RGL1: variants seen among roughly 807,000 people sequenced by gnomAD.
RGL1 encodes the protein ral guanine nucleotide dissociation stimulator like 1.
RGL1 carries 24 observed loss-of-function variants against 95.2 expected under a neutral mutation model. The ratio of observed to expected loss-of-function variants is 0.25; its 90% CI spans 0.18 to 0.35. RGL1 has a LOEUF of 0.35. Among genes scored for constraint, RGL1 ranks in the 10% least tolerant of loss-of-function variants. RGL1 has a pLI of 1.00. For missense variants in RGL1, 715 were observed against 936.3 expected (o/e 0.76, Z 3.08); for synonymous variants, 329 against 344.9 (o/e 0.95, Z 0.51).
At chr1:183,648,238 G>T in intron 1 of RGL1, 1 of 1,614,194 alleles carries the variant, frequency 6.2e-7, no homozygotes, top group Non-Finnish European at 8.5e-7. Flanking sequence ...ACAACCCGCG[G>T]CCATAAGCTG....
intron 4 of RGL1, among the ~76,000 whole-genome samples, chr1:183,878,178 A>G (rs772450429): frequency 6.6e-6 from 1 of 151,698 alleles, no homozygotes; most frequent in Non-Finnish European, 1.5e-5. Context: ...CTATCTATCT[A>G]TCTATCTATC....
chr1:183,904,949 C>G lies in RGL1; in HGVS notation c.1450C>G (p.Gln484Glu). ...QKFIQWFQRQ[Q>E]LLTEEESYAL... ...GTTCATCCAGTGGTTCCAGAGGCAG[C>G]AGCTCCTGACAGAGGAGGAGAGGTG... The change falls in exon 13 of 18, where the codon CAG (glutamine) becomes GAG (glutamate). Residue 484 changes from glutamine to glutamate, a missense_variant. Physicochemically the swap from Gln to Glu is conservative, Grantham distance 29. Coordinates refer to ENST00000360851, the MANE Select transcript of RGL1 (RefSeq NM_001297671.3). 14 of 1,613,462 alleles carry G rather than the reference C, an allele frequency of 8.7e-6. No individual in the cohort carries two copies. Among genetic ancestry groups the G allele is most frequent in the Non-Finnish European group, 1.2e-5 (14 of 1,179,734 alleles).
intron 3 of RGL1, among the ~76,000 whole-genome samples, chr1:183,849,576 C>T (rs933227696): frequency 7.4e-5 from 11 of 148,972 alleles, no homozygotes; most frequent in South Asian, 4.3e-4. Context: ...CTGCAACCTC[C>T]GCCTCTTGGG....
At chr1:183,865,579 C>A (rs530811334) in intron 3 of RGL1, among the ~76,000 whole-genome samples, 1 of 152,296 alleles carries the variant, frequency 6.6e-6, no homozygotes, top group East Asian at 1.9e-4. Flanking sequence ...AGTGTGGATG[C>A]TGTGCCTGCA....
rs182915878 is a variant in RGL1, at chr1:183,812,166, A to G, written c.138+5681A>G. Among the ~76,000 whole-genome samples the G allele has an allele frequency of 3.7e-4, 56 of 152,332 alleles. 1 individual carries two copies. Among genetic ancestry groups the G allele is most frequent in the Admixed American group, 2.9e-3 (45 of 15,308 alleles). ...ATGCACTACATAGTAAAACATTCTA[A>G]TTTGTACCATCATATTCTTTTTACA... is the stretch of plus-strand genomic sequence containing the variant. On this transcript the variant is annotated intron_variant, in intron 2 of 17. Coordinates refer to ENST00000360851, the MANE Select transcript of RGL1 (RefSeq NM_001297671.3).
intron 2 of RGL1, among the ~76,000 whole-genome samples, chr1:183,819,100 GT>G (rs917457380): frequency 1.3e-5 from 2 of 152,184 alleles, no homozygotes; most frequent in African/African-American, 4.8e-5. Context: ...GAATTCTGAA[GT>G]TATTCTACTT....
chr1:183,750,777 T>C (rs1219609898), intron 2 of RGL1, among the ~76,000 whole-genome samples: 2 of 152,250 alleles, frequency 1.3e-5, no homozygotes, highest in Non-Finnish European at 1.5e-5. Flanking sequence ...GTTGATGTTA[T>C]TTCTTTCTCT....
At chr1:183,867,174 A>G (rs906756994) in intron 4 of RGL1, among the ~76,000 whole-genome samples, 4 of 152,194 alleles carry the variant, frequency 2.6e-5, no homozygotes, top group African/African-American at 9.7e-5. Context: ...TCTTTAGTTT[A>G]TACATGGTAT....
intron 2 of RGL1, among the ~76,000 whole-genome samples, chr1:183,797,343 G>A (rs1660751558): frequency 1.3e-5 from 2 of 151,996 alleles, no homozygotes; most frequent in South Asian, 4.2e-4. Flanking sequence ...AAAAATTATT[G>A]CCAACAATTG....
intron 4 of RGL1, among the ~76,000 whole-genome samples, chr1:183,867,397 A>G (rs943173965): frequency 2.0e-5 from 3 of 152,146 alleles, no homozygotes; most frequent in African/African-American, 7.2e-5. Flanking sequence ...AAAGGATTTC[A>G]GGGAGGGAGT....
chr1:183,790,393 A>T (rs532702659), intron 2 of RGL1, among the ~76,000 whole-genome samples: 1 of 152,294 alleles, frequency 6.6e-6, no homozygotes, highest in East Asian at 1.9e-4. Flanking sequence ...TGATTTGAGG[A>T]CCTTCTGGAC....
intron 1 of RGL1, chr1:183,710,032 G>C (rs1478099767): frequency 6.3e-6 from 1 of 157,826 alleles, no homozygotes; most frequent in South Asian, 1.8e-4. Flanking sequence ...CAACTTCCTG[G>C]CATTCCTGGT....
rs1332167967 is a variant in RGL1 at position 183,643,278 on chromosome 1, A to G, written c.-33+6777A>G. ...GTCCTGTTTTTTTATTTATTTATTT[A>G]TTTATTTATTTATTTATTTATTTAT... On this transcript the variant is annotated intron_variant, in intron 1 of 18. Transcript: ENST00000304685. 1.4e-3 allele frequency among the ~76,000 whole-genome samples: 176 copies of G among 129,516 alleles called. 1 individual carries two copies. Among genetic ancestry groups the G allele is most frequent in the African/African-American group, 3.9e-3 (116 of 29,966 alleles). The allele number at this position is 129,516 out of a possible 152,430, so 85.0% of individuals were successfully genotyped here. A position where few individuals can be genotyped will look rare whatever the true frequency, so the allele number is the denominator to read the frequency against.
intron 17 of RGL1, among the ~76,000 whole-genome samples, chr1:183,924,799 CAA>C (rs758747749): frequency 0.36 from 40,375 of 110,852 alleles, 6,141 homozygotes; most frequent in East Asian, 0.52. Context: ...CAAAAAAATA[CAA>C]AAAAAAAAAA....
chr1:183,754,887 T>C (rs2102291952), intron 2 of RGL1: 1 of 152,380 alleles, frequency 6.6e-6, no homozygotes, highest in Admixed American at 6.5e-5. Context: ...CTTCAATGCC[T>C]ATCTGTGGGT....
chr1:183,725,799 T>C (rs561498613), intron 1 of RGL1, among the ~76,000 whole-genome samples: 2 of 152,316 alleles, frequency 1.3e-5, no homozygotes, highest in African/African-American at 4.8e-5. Context: ...ATTAAACTAA[T>C]CATCAACTTG....
At chr1:183,805,967 T>TTTTC (rs1661280843) in intron 1 of RGL1, among the ~76,000 whole-genome samples, 1 of 109,872 alleles carries the variant, frequency 9.1e-6, no homozygotes, top group South Asian at 2.8e-4. Context: ...TTTTCTTTTC[T>TTTTC]TTTCTTTTTT....
At chr1:183,865,395 G>T (rs1327932691) in intron 3 of RGL1, among the ~76,000 whole-genome samples, 1 of 152,184 alleles carries the variant, frequency 6.6e-6, no homozygotes, top group Non-Finnish European at 1.5e-5. Flanking sequence ...AGCTACAGCT[G>T]CTCTCATGGT....
chr1:183,906,437 C>G (rs568655418), intron 13 of RGL1, among the ~76,000 whole-genome samples: 65 of 151,990 alleles, frequency 4.3e-4, no homozygotes, highest in Non-Finnish European at 7.4e-4. Flanking sequence ...GTAGGCCACC[C>G]TGGCCAACAT....
Sources: allele counts gnomAD v4.1 joint callset (sites outside exome capture counted in the v4.1 genomes callset), GRCh38; gene constraint gnomAD v4.1.1; transcripts MANE v1.5; gene names NCBI Gene and HGNC (gene_info 2026-07-23, HGNC 2026-07-21).